Variants in CCSER2 observed in about 807,000 individuals in gnomAD.
The protein encoded by CCSER2 is coiled-coil serine rich protein 2.
A neutral mutation model predicts 92.3 loss-of-function variants in CCSER2; 46 were observed. The observed-to-expected ratio is 0.50, with a 90% CI of 0.39 to 0.64. The LOEUF is 0.64. CCSER2 is among the 30% of genes least tolerant of loss of function. CCSER2 has a pLI of 0.00. For synonymous variants in CCSER2, 433 were observed against 431.4 expected (o/e 1.00, Z -0.04); for missense variants, 1,244 against 1,238.9 (o/e 1.00, Z -0.06).
chr10:84,371,769 C>G lies in CCSER2; in HGVS notation c.717C>G (p.Thr239=), dbSNP rs1192127716. 6.2e-7 allele frequency: 1 copy of G among 1,613,534 alleles called. No homozygotes were observed. Among genetic ancestry groups the G allele is most frequent in the Non-Finnish European group, 8.5e-7 (1 of 1,179,642 alleles). The change falls in exon 2 of 10, where the codon ACC becomes ACG. Residue 239 remains threonine, a synonymous_variant. Transcript: ENST00000372088. ...CATTCCTTCCACCTTCATCTATAAC[C>G]AGATCACATTCCTTTAATAGAGCTG... is the stretch of plus-strand genomic sequence containing the variant. ...QNSFLPPSSI[T]RSHSFNRAVD... is the part of the protein sequence containing the mutation.
chr10:84,384,725 C>T (rs1841095299), intron 3 of CCSER2, among the ~76,000 whole-genome samples: 1 of 152,060 alleles, frequency 6.6e-6, no homozygotes, highest in South Asian at 2.1e-4. Flanking sequence ...ACGAGGATAT[C>T]CACTCCCATC....
chr10:84,420,321 GC>G (rs1354053279), intron 4 of CCSER2, among the ~76,000 whole-genome samples: 4 of 152,172 alleles, frequency 2.6e-5, no homozygotes, highest in Admixed American at 1.3e-4. Flanking sequence ...CTAGAAGAAG[GC>G]AAACAACTAT....
At chr10:84,426,318 GTTTAGTGCTGAAGGTACTA>G (rs1006876437) in intron 5 of CCSER2, among the ~76,000 whole-genome samples, 4 of 152,268 alleles carry the variant, frequency 2.6e-5, no homozygotes, top group East Asian at 1.9e-4. Context: ...AGAAGGTACT[GTTTAGTGCTGAAGGTACTA>G]TTTAGTCTTT....
Position 84,507,500 on chromosome 10 carries a change from TAAC to T in CCSER2, c.2326-5946_2326-5944del, listed in dbSNP as rs1033264002. On this transcript the variant is annotated intron_variant, in intron 9 of 9. Coordinates refer to ENST00000372088, the MANE Select transcript of CCSER2 (RefSeq NM_001284240.2). ...TTTATGGTTAAAATGTATTTAATAA[TAAC>T]AATAAACTTGTATGTACCCAGGAAA... Among the ~76,000 whole-genome samples the T allele has an allele frequency of 3.6e-4, 55 of 152,320 alleles. 2 individuals carry two copies. The Middle Eastern group carries it at 0.014, about 38-fold the overall frequency.
chr10:84,419,364 A>AAAATAAAATAAAAAT (rs1554844932), intron 4 of CCSER2, among the ~76,000 whole-genome samples: 8,878 of 149,930 alleles, frequency 0.059, 390 homozygotes, highest in Admixed American at 0.12. Flanking sequence ...TCAAAAAAAA[A>AAAATAAAATAAAAAT]AAAATAAAAT....
At chr10:84,379,367 T>A (rs1840770522) in intron 3 of CCSER2, among the ~76,000 whole-genome samples, 1 of 152,164 alleles carries the variant, frequency 6.6e-6, no homozygotes, top group Admixed American at 6.5e-5. Context: ...TTTGCTGATT[T>A]TTCTATATTG....
At chr10:84,436,325 CAAAAAAAA>C (rs1160681619) in intron 5 of CCSER2, among the ~76,000 whole-genome samples, 3 of 14,328 alleles carry the variant, frequency 2.1e-4, no homozygotes, top group East Asian at 2.9e-3. Context: ...GACTCCGTCT[CAAAAAAAA>C]AAAAAAAAAA....
chr10:84,404,647 A>C (rs1842287617), intron 3 of CCSER2, among the ~76,000 whole-genome samples: 1 of 152,150 alleles, frequency 6.6e-6, no homozygotes, highest in Non-Finnish European at 1.5e-5. Context: ...CTCAAAAGTC[A>C]ATTTTTAAAA....
At chr10:84,459,424 T>A (rs938181377) in intron 6 of CCSER2, among the ~76,000 whole-genome samples, 1 of 152,238 alleles carries the variant, frequency 6.6e-6, no homozygotes, top group Non-Finnish European at 1.5e-5. Context: ...ACTATGATAT[T>A]GAATAGGAGT....
At chr10:84,383,604 C>A (rs1012168475) in intron 3 of CCSER2, among the ~76,000 whole-genome samples, 1 of 152,128 alleles carries the variant, frequency 6.6e-6, no homozygotes, top group Non-Finnish European at 1.5e-5. Flanking sequence ...GCCACCGTAC[C>A]CGGCTGAGGT....
At chr10:84,459,412 C>T (rs550540408) in intron 6 of CCSER2, among the ~76,000 whole-genome samples, 2 of 152,238 alleles carry the variant, frequency 1.3e-5, no homozygotes, top group South Asian at 2.1e-4. Context: ...GATAGAAACT[C>T]CACTATGATA....
chr10:84,457,287 T>TTATATATAATATGTTATATATA (rs1845731652), intron 6 of CCSER2, among the ~76,000 whole-genome samples: 1 of 51,316 alleles, frequency 1.9e-5, no homozygotes, highest in Admixed American at 3.6e-4. Context: ...TATTATATAT[T>TTATATATAATATGTTATATATA]ATATATTATA....
Position 84,470,396 on chromosome 10 carries a change from A to T in CCSER2, c.2173A>T (p.Lys725Ter). Residue 725 changes from lysine (K) to a stop codon, truncating the protein, a stop_gained, in exon 8 of 10, where the codon AAA (lysine) becomes TAA (stop). Coordinates refer to ENST00000372088, the MANE Select transcript of CCSER2 (RefSeq NM_001284240.2). LOFTEE classifies it high-confidence loss of function. ...YKNEDLLNEI[K>*]QLKDEIKKKD... ...GAATGAAGATTTATTAAATGAAATA[A>T]AACAACTTAAAGACGAAATAAAGAA... is the stretch of plus-strand genomic sequence containing the variant. 1 of 1,371,176 alleles carries T rather than the reference A, an allele frequency of 7.3e-7. No individual in the cohort carries two copies. The highest frequency in any genetic ancestry group is 9.8e-7 in the Non-Finnish European group (1 of 1,022,312). The allele number at this position is 1,371,176 out of a possible 1,614,324, so 84.9% of individuals were successfully genotyped here.
Position 84,411,146 on chromosome 10 carries a change from G to T in CCSER2, c.1615-6625G>T, listed in dbSNP as rs184820519. Among the ~76,000 whole-genome samples, 3 of 151,968 alleles carry T rather than the reference G, an allele frequency of 2.0e-5. No homozygotes were observed. In the East Asian group the frequency reaches 5.8e-4, roughly 29 times the overall value. On this transcript the variant is annotated intron_variant, in intron 3 of 9. Coordinates refer to ENST00000372088, the MANE Select transcript of CCSER2 (RefSeq NM_001284240.2). ...ATGTATCTATTCTTATACCAGTACT[G>T]TGCTGTTTTGGTTACTGTAGCCTTG...
intron 7 of CCSER2, among the ~76,000 whole-genome samples, chr10:84,470,168 T>C (rs1313365524): frequency 1.3e-5 from 2 of 152,020 alleles, no homozygotes; most frequent in Non-Finnish European, 2.9e-5. Context: ...AAGTTCTCAA[T>C]GAATGCTAAC....
Position 84,371,945 on chromosome 10 carries a change from G to T in CCSER2, c.893G>T (p.Gly298Val). 6.2e-7 allele frequency: 1 copy of T among 1,613,788 alleles called. No individual in the cohort carries two copies. Among genetic ancestry groups the T allele is most frequent in the Non-Finnish European group, 8.5e-7 (1 of 1,179,820 alleles). The change falls in exon 2 of 10, where the codon GGA becomes GTA. Residue 298 changes from glycine to valine, a missense_variant. By Grantham distance (109) the Gly-to-Val change is moderately radical. Transcript: ENST00000372088. ...YGFNRPYAAG[G>V]KKLALPNGPG... ...TTTAATAGGCCTTATGCTGCTGGTGGAAAGAAGTTGGCTTTACCAAATGGC... is the reference window on the plus strand; with the variant it reads ...TTTAATAGGCCTTATGCTGCTGGTGTAAAGAAGTTGGCTTTACCAAATGGC...
chr10:84,505,044 ATTTCC>A (rs1431111517), intron 9 of CCSER2, among the ~76,000 whole-genome samples: 1 of 152,124 alleles, frequency 6.6e-6, no homozygotes, highest in Non-Finnish European at 1.5e-5. Flanking sequence ...ATTTTGGTAT[ATTTCC>A]TTTCAGTCTT....
chr10:84,347,401 A>AG (rs967917211), intron 1 of CCSER2, among the ~76,000 whole-genome samples: 8 of 133,208 alleles, frequency 6.0e-5, no homozygotes, highest in Admixed American at 2.9e-4. Flanking sequence ...CTGGCCGGGG[A>AG]GGGGGGGTGC....
At chr10:84,430,120 T>C (rs1843682927) in intron 5 of CCSER2, among the ~76,000 whole-genome samples, 1 of 152,124 alleles carries the variant, frequency 6.6e-6, no homozygotes, top group African/African-American at 2.4e-5. Context: ...GGGCTCTGTG[T>C]GTTTGCTTAG....
Sources: allele counts gnomAD v4.1 joint callset (sites outside exome capture counted in the v4.1 genomes callset), GRCh38; gene constraint gnomAD v4.1.1; transcripts MANE v1.5; gene names NCBI Gene and HGNC (gene_info 2026-07-23, HGNC 2026-07-21).